DLGAP2: variants seen among roughly 807,000 people sequenced by gnomAD.
DLGAP2 encodes DLG associated protein 2, also known as disks large-associated protein 2.
Under a neutral mutation model 100.3 loss-of-function variants are expected in DLGAP2, and 26 were observed. The observed-to-expected ratio is 0.26, with a 90% CI of 0.19 to 0.36. The LOEUF (loss-of-function observed/expected upper bound fraction) is 0.36. Among genes scored for constraint, DLGAP2 ranks in the 10% least tolerant of loss-of-function variants. The probability of loss-of-function intolerance (pLI) is 1.00; values close to 1 mark genes in which losing one functional copy is unlikely to be tolerated. For missense variants in DLGAP2, 1,858 were observed against 1,453.2 expected (o/e 1.28, Z -4.53); for synonymous variants, 886 against 630.1 (o/e 1.41, Z -6.08).
intron 2 of DLGAP2, among the ~76,000 whole-genome samples, chr8:1,055,808 C>A (rs1194544588): frequency 6.6e-6 from 1 of 152,242 alleles, no homozygotes; most frequent in African/African-American, 2.4e-5. Flanking sequence ...AGAGGGGCAC[C>A]TGAGTCAGGC....
intron 2 of DLGAP2, among the ~76,000 whole-genome samples, chr8:1,199,949 C>A (rs928228075): frequency 6.8e-6 from 1 of 147,622 alleles, no homozygotes; most frequent in African/African-American, 2.5e-5. Context: ...CCCCCCACAA[C>A]CCCCCGCAGA....
intron 8 of DLGAP2, among the ~76,000 whole-genome samples, chr8:1,662,656 C>A (rs1798435000): frequency 6.6e-6 from 1 of 152,288 alleles, no homozygotes; most frequent in Non-Finnish European, 1.5e-5. Flanking sequence ...CAGACTTCCA[C>A]CTTCTCTTCC....
At chr8:973,693 C>T (rs950636307) in intron 2 of DLGAP2, among the ~76,000 whole-genome samples, 33 of 152,272 alleles carry the variant, frequency 2.2e-4, no homozygotes, top group African/African-American at 7.7e-4. Flanking sequence ...GCTCCTTTCT[C>T]TTTCACGGTA....
At chr8:812,494 C>T (rs1261752328) in intron 1 of DLGAP2, among the ~76,000 whole-genome samples, 2 of 152,064 alleles carry the variant, frequency 1.3e-5, no homozygotes, top group East Asian at 1.9e-4. Flanking sequence ...AGGGTGGCTG[C>T]GTTGAGCGTG....
At chr8:1,365,609 C>T (rs1802091142) in intron 3 of DLGAP2, among the ~76,000 whole-genome samples, 2 of 152,284 alleles carry the variant, frequency 1.3e-5, no homozygotes, top group South Asian at 2.1e-4. Flanking sequence ...ACCTGGATGT[C>T]CTCTAGCTAT....
intron 1 of DLGAP2, among the ~76,000 whole-genome samples, chr8:892,814 G>A (rs974978116): frequency 2.6e-5 from 4 of 152,144 alleles, no homozygotes; most frequent in African/African-American, 9.7e-5. Context: ...GGGAATTTAG[G>A]GTTTTTCCTG....
At chr8:1,360,196 C>T (rs1001946881) in intron 3 of DLGAP2, among the ~76,000 whole-genome samples, 8 of 139,138 alleles carry the variant, frequency 5.7e-5, no homozygotes, top group Non-Finnish European at 7.6e-5. Context: ...CCCGGGTGTG[C>T]TCAGGGGCGG....
rs56046120 is a variant in DLGAP2 at position 1,597,275 on chromosome 8, T to C, written c.1443-29465T>C. Among the ~76,000 whole-genome samples the C allele has an allele frequency of 2.2e-3, 341 of 152,344 alleles. 1 individual carries two copies. Among genetic ancestry groups the C allele is most frequent in the Middle Eastern group, 3.4e-3 (1 of 294 alleles). On this transcript the variant is annotated intron_variant, in intron 6 of 14. Transcript: ENST00000637795. ...CTGTTTGGTTACTGTGGCCTTGTAG[T>C]ATAGTTTGAAGTCAGCTGGTGTTCT...
intron 3 of DLGAP2, among the ~76,000 whole-genome samples, chr8:1,295,142 C>T (rs753787052): frequency 1.3e-5 from 2 of 152,156 alleles, no homozygotes; most frequent in Non-Finnish European, 2.9e-5. Context: ...TCAAACTCGT[C>T]TCCTTGGGTG....
chr8:1,681,071 T>C (rs890411750), intron 12 of DLGAP2, among the ~76,000 whole-genome samples: 2 of 152,104 alleles, frequency 1.3e-5, no homozygotes, highest in Admixed American at 1.3e-4. Flanking sequence ...AGGAAAAAAT[T>C]TACAAAGAGG....
At chr8:1,364,015 A>G (rs931456256) in intron 3 of DLGAP2, among the ~76,000 whole-genome samples, 5 of 152,192 alleles carry the variant, frequency 3.3e-5, no homozygotes, top group East Asian at 1.9e-4. Context: ...ACCAGGTGGT[A>G]CCCCTCACTG....
At chr8:1,467,513 A>G (rs1326441862) in intron 3 of DLGAP2, among the ~76,000 whole-genome samples, 1 of 151,554 alleles carries the variant, frequency 6.6e-6, no homozygotes, top group East Asian at 1.9e-4. Context: ...CCAGACCCCC[A>G]TTACCTTGGC....
intron 2 of DLGAP2, among the ~76,000 whole-genome samples, chr8:919,415 T>C (rs766485351): frequency 2.6e-5 from 4 of 152,018 alleles, no homozygotes; most frequent in Non-Finnish European, 5.9e-5. Context: ...GCAGCGTGAG[T>C]GGGGAAGGGA....
intron 2 of DLGAP2, among the ~76,000 whole-genome samples, chr8:983,500 C>T (rs1490307902): frequency 6.6e-6 from 1 of 152,066 alleles, no homozygotes; most frequent in African/African-American, 2.4e-5. Flanking sequence ...AGTACAGGTC[C>T]TTGAGATGTT....
rs116196341 is a variant in DLGAP2, at chr8:1,589,458, G to A, written c.1442+23564G>A. ...TGTCTCCAAGGTAATTTTTTTTGAGGTAGGGTCTTGCTGTGTTGCCCAGGC... is the reference window on the plus strand; with the variant it reads ...TGTCTCCAAGGTAATTTTTTTTGAGATAGGGTCTTGCTGTGTTGCCCAGGC... On this transcript the variant is annotated intron_variant, in intron 6 of 14. Coordinates refer to ENST00000637795, the MANE Select transcript of DLGAP2 (RefSeq NM_001346810.2). Among the ~76,000 whole-genome samples the A allele has an allele frequency of 5.8e-3, 883 of 152,158 alleles. 7 individuals are homozygous for A. The highest frequency in any genetic ancestry group is 0.02 in the African/African-American group (826 of 41,522).
intron 3 of DLGAP2, among the ~76,000 whole-genome samples, chr8:1,383,680 C>A (rs954929686): frequency 6.6e-6 from 1 of 152,158 alleles, no homozygotes; most frequent in Admixed American, 6.5e-5. Context: ...CCACCTGGCC[C>A]AGGGCTGAGG....
chr8:1,584,634 C>T (rs753062009), intron 6 of DLGAP2, among the ~76,000 whole-genome samples: 13 of 152,280 alleles, frequency 8.5e-5, no homozygotes, highest in Non-Finnish European at 1.0e-4. Context: ...AGGTCCCTGA[C>T]GATGTCTCTC....
rs919149813 is a variant in DLGAP2, at chr8:1,708,117, G to C, written c.*6711G>C. 1 of 152,078 alleles carries C rather than the reference G, an allele frequency of 6.6e-6. No homozygotes were observed. Among genetic ancestry groups the C allele is most frequent in the Non-Finnish European group, 1.5e-5 (1 of 68,028 alleles). The allele number at this position is 152,078 out of a possible 1,614,324, so 9.4% of individuals were successfully genotyped here. A position where few individuals can be genotyped will look rare whatever the true frequency, so the allele number is the denominator to read the frequency against. ...CACTCTCAGCTGACTGTAAGAAACT[G>C]TGCACCGTTTCCGCCATAACCGTCC... On this transcript the variant is annotated 3_prime_UTR_variant, in exon 15 of 15. Coordinates refer to ENST00000637795, the MANE Select transcript of DLGAP2 (RefSeq NM_001346810.2).
chr8:1,540,844 A>C (rs1451752317), intron 4 of DLGAP2, among the ~76,000 whole-genome samples: 1 of 152,282 alleles, frequency 6.6e-6, no homozygotes, highest in Non-Finnish European at 1.5e-5. Context: ...TTGAAACCAC[A>C]CAAACATCCA....
Sources: gnomAD v4.1 joint callset for allele counts (sites outside exome capture counted in the v4.1 genomes callset) on GRCh38, gnomAD v4.1.1 for gene constraint, MANE v1.5 for transcripts, NCBI Gene and HGNC (gene_info 2026-07-23, HGNC 2026-07-21) for gene names.